Variants in MORC1 observed in about 807,000 individuals in gnomAD.
MORC1 encodes the protein MORC family CW-type zinc finger protein 1.
Under a neutral mutation model 134.9 loss-of-function variants are expected in MORC1, and 59 were observed. That is an observed-to-expected ratio of 0.44 (90% CI 0.35 to 0.54). MORC1 has a LOEUF of 0.54. Among genes scored for constraint, MORC1 ranks in the 20% least tolerant of loss-of-function variants. The pLI, the probability that MORC1 is intolerant of heterozygous loss-of-function variation, is 0.00. For missense variants in MORC1, 947 were observed against 1,134.5 expected (o/e 0.83, Z 2.37); for synonymous variants, 395 against 391.7 (o/e 1.01, Z -0.10).
At chr3:109,072,122 G>A (rs1251186153) in intron 8 of MORC1, among the ~76,000 whole-genome samples, 1 of 152,112 alleles carries the variant, frequency 6.6e-6, no homozygotes, top group African/African-American at 2.4e-5. Flanking sequence ...TAAGTGAAAT[G>A]GGCCACGTCA....
At chr3:109,115,923 T>C (rs906956767) in intron 1 of MORC1, among the ~76,000 whole-genome samples, 1 of 151,910 alleles carries the variant, frequency 6.6e-6, no homozygotes, top group African/African-American at 2.4e-5. Context: ...AAAGCACCTC[T>C]TGGTAAAAGG....
At chr3:109,044,298 C>T (rs1013636080) in intron 14 of MORC1, among the ~76,000 whole-genome samples, 1 of 152,020 alleles carries the variant, frequency 6.6e-6, no homozygotes, top group Non-Finnish European at 1.5e-5. Context: ...AAGGGAAATA[C>T]TTGTAATCCC....
chr3:109,101,093 A>G (rs1055678927), intron 4 of MORC1, among the ~76,000 whole-genome samples: 2 of 152,190 alleles, frequency 1.3e-5, no homozygotes, highest in Admixed American at 1.3e-4. Context: ...ATGTGGTGTA[A>G]GAGGCAACTA....
chr3:109,032,606 G>A, intron 16 of MORC1, 114 bp downstream of exon 16: 6 of 697,098 alleles, frequency 8.6e-6, no homozygotes, highest in Non-Finnish European at 1.4e-5. Context: ...AGTTTGAAGA[G>A]ATACCAGATA....
chr3:108,959,936 T>A lies in MORC1; in HGVS notation c.2800-816A>T, dbSNP rs560658516. On this transcript the variant is annotated intron_variant, in intron 27 of 27. Transcript: ENST00000232603. ...AGGCTTGGGTGGAAGAATGGTAAAA[T>A]CATTCATGCTTCATGAAAAGTTTAT... Among the ~76,000 whole-genome samples the A allele has an allele frequency of 1.8e-4, 28 of 152,216 alleles. No individual in the cohort carries two copies. In the East Asian group the frequency reaches 5.0e-3, roughly 27 times the overall value.
rs201361235 is a variant in MORC1, at chr3:109,035,434, A to C, written c.1365T>G (p.Phe455Leu). Residue 455 changes from phenylalanine to leucine, a missense_variant, in exon 15 of 28, where the codon TTT (phenylalanine) becomes TTG (leucine). Phe to Leu is a conservative substitution (Grantham distance 22, BLOSUM62 0). This residue lies in a region of MORC1 where 722 missense variants were observed against 817.0 expected (regional missense o/e 0.88). Transcript: ENST00000232603. Reference protein sequence around the residue: ...NRNLTLFCNEFGYQNDIDVEK... With the variant: ...NRNLTLFCNELGYQNDIDVEK... ...CCACATCGATGTCATTCTGGTATCC[A>C]AATTCATTGCAAAACAATGTTAAAT... 94 of 1,524,564 alleles carry C rather than the reference A, an allele frequency of 6.2e-5. No homozygotes were observed. The highest frequency in any genetic ancestry group is 7.5e-5 in the Non-Finnish European group (84 of 1,115,784). The allele number at this position is 1,524,564 out of a possible 1,614,324, so 94.4% of individuals were successfully genotyped here.
intron 14 of MORC1, among the ~76,000 whole-genome samples, chr3:109,036,033 T>C (rs995618513): frequency 1.9e-4 from 29 of 152,180 alleles, no homozygotes; most frequent in African/African-American, 7.0e-4. Flanking sequence ...AGTCGTTTTG[T>C]TCTTATTCTT....
At chr3:109,082,610 T>G (rs888798160) in intron 8 of MORC1, among the ~76,000 whole-genome samples, 6 of 151,942 alleles carry the variant, frequency 3.9e-5, no homozygotes, top group Admixed American at 3.3e-4. Context: ...CAAACAAATC[T>G]TGGAACTGAG....
intron 20 of MORC1, among the ~76,000 whole-genome samples, chr3:109,002,651 G>C (rs1036468593): frequency 4.6e-5 from 7 of 152,148 alleles, no homozygotes; most frequent in Non-Finnish European, 8.8e-5. Context: ...TCAAAGTGGA[G>C]GCTAAAAGGC....
In MORC1 at chr3:109,000,580, T is replaced by C; in HGVS notation, c.2164A>G (p.Thr722Ala). ...ACCAGGATTATATCTGAATCACTCGTGTTCTCATCTTCAGTCAATACCTTA... is the reference window on the plus strand; with the variant it reads ...ACCAGGATTATATCTGAATCACTCGCGTTCTCATCTTCAGTCAATACCTTA... ...ECKVLTEDEN[T>A]SDSDIILVSD... The change falls in exon 21 of 28, where the codon ACG becomes GCG. Residue 722 changes from threonine (T) to alanine (A), a missense_variant. Physicochemically the swap from Thr to Ala is moderately conservative, Grantham distance 58 (BLOSUM62 0). Coordinates refer to ENST00000232603, the MANE Select transcript of MORC1 (RefSeq NM_014429.4). 1 of 1,610,076 alleles carries C rather than the reference T, an allele frequency of 6.2e-7. No homozygotes were observed. The highest frequency in any genetic ancestry group is 2.2e-5 in the East Asian group (1 of 44,802).
At chr3:109,049,953 G>C (rs990758675) in intron 14 of MORC1, among the ~76,000 whole-genome samples, 4 of 152,126 alleles carry the variant, frequency 2.6e-5, no homozygotes, top group Admixed American at 6.5e-5. Flanking sequence ...CTTGAACTTG[G>C]AAGTGTTAGT....
At chr3:109,036,039 T>C (rs1949371480) in intron 14 of MORC1, among the ~76,000 whole-genome samples, 1 of 152,142 alleles carries the variant, frequency 6.6e-6, no homozygotes, top group African/African-American at 2.4e-5. Context: ...TTTGTTCTTA[T>C]TCTTTGATCC....
chr3:109,036,649 A>G (rs985215291), intron 14 of MORC1, among the ~76,000 whole-genome samples: 1 of 152,136 alleles, frequency 6.6e-6, no homozygotes, highest in Non-Finnish European at 1.5e-5. Context: ...CTAACACTTT[A>G]TTATTCCTGT....
intron 21 of MORC1, among the ~76,000 whole-genome samples, chr3:108,989,975 C>A (rs567412976): frequency 6.6e-6 from 1 of 152,000 alleles, no homozygotes; most frequent in South Asian, 2.1e-4. Flanking sequence ...GTCATGGGGG[C>A]GGGTTTTTCC....
intron 8 of MORC1, among the ~76,000 whole-genome samples, chr3:109,078,729 A>G (rs915445754): frequency 6.6e-6 from 1 of 151,936 alleles, no homozygotes; most frequent in African/African-American, 2.4e-5. Flanking sequence ...TTAAAAATCC[A>G]AAACTGTTTT....
intron 26 of MORC1, among the ~76,000 whole-genome samples, chr3:108,966,439 A>G (rs1947222484): frequency 6.6e-6 from 1 of 152,198 alleles, no homozygotes; most frequent in South Asian, 2.1e-4. Flanking sequence ...ACTAAAGCAG[A>G]AACAATCAAC....
chr3:109,060,120 A>C (rs1287598955), intron 11 of MORC1, among the ~76,000 whole-genome samples: 1 of 152,120 alleles, frequency 6.6e-6, no homozygotes, highest in Non-Finnish European at 1.5e-5. Context: ...TAGAGAAAGA[A>C]AGTTTATTCT....
At chr3:109,039,152 G>A (rs1559911574) in intron 14 of MORC1, among the ~76,000 whole-genome samples, 1 of 152,150 alleles carries the variant, frequency 6.6e-6, no homozygotes, top group African/African-American at 2.4e-5. Flanking sequence ...CTGACCTGAA[G>A]TGATCCACCC....
chr3:109,036,668 T>C (rs1487318244), intron 14 of MORC1, among the ~76,000 whole-genome samples: 1 of 152,152 alleles, frequency 6.6e-6, no homozygotes, highest in Non-Finnish European at 1.5e-5. Context: ...GTTAAAATTT[T>C]GGCTCAGGGT....
Sources: gnomAD v4.1 joint callset for allele counts (sites outside exome capture counted in the v4.1 genomes callset) on GRCh38, gnomAD v4.1.1 for gene constraint, gnomAD v4.1.1 regional missense constraint, MANE v1.5 for transcripts, NCBI Gene and HGNC (gene_info 2026-07-23, HGNC 2026-07-21) for gene names.